Variants in MDGA2 observed in about 807,000 individuals in gnomAD.
MDGA2 encodes MAM domain-containing glycosylphosphatidylinositol anchor protein 2.
Under a neutral mutation model 117.8 loss-of-function variants are expected in MDGA2, and 40 were observed. The ratio of observed to expected loss-of-function variants is 0.34; its 90% CI spans 0.26 to 0.44. The LOEUF (loss-of-function observed/expected upper bound fraction) is 0.44. Ranked by LOEUF, MDGA2 falls within the 20% of genes least tolerant of loss-of-function variation. The pLI is 1.00. For missense variants in MDGA2, 1,123 were observed against 1,250.6 expected (o/e 0.90, Z 1.54); for synonymous variants, 452 against 439.0 (o/e 1.03, Z -0.37).
rs571202245 is a variant in MDGA2 at position 47,623,386 on chromosome 14, C to T, written c.280+51131G>A. ...ACAGGATGTTTCTACTGACAAGAAA[C>T]TATAAAAGCTGAAGTTTCAAGGGAC... On this transcript the variant is annotated intron_variant, in intron 1 of 16. Transcript: ENST00000399232. Among the ~76,000 whole-genome samples, 6 of 152,302 alleles carry T rather than the reference C, an allele frequency of 3.9e-5. No homozygotes were observed. In the South Asian group the frequency reaches 1.2e-3, roughly 32 times the overall value.
Position 46,957,488 on chromosome 14 carries a change from A to G in MDGA2, c.1975T>C (p.Ser659Pro). 6.2e-7 allele frequency: 1 copy of G among 1,614,144 alleles called. No homozygotes were observed. The highest frequency in any genetic ancestry group is 8.5e-7 in the Non-Finnish European group (1 of 1,180,026). The change falls in exon 9 of 17, where the codon TCT becomes CCT. Residue 659 changes from serine (S) to proline (P), a missense_variant. Coordinates refer to ENST00000399232, the MANE Select transcript of MDGA2 (RefSeq NM_001113498.3). ...NKLLRTGQFD[S>P]QEYTEYAVKS... The stretch of plus-strand genomic sequence containing the variant: ...ACAGCGTACTCTGTGTATTCCTGAG[A>G]GTCAAATTGACCCGTCCGTAATAAT...
In MDGA2 at chr14:46,924,571, T is replaced by C. The variant is rs17117729; in HGVS notation, c.2090-4411A>G. 1.7e-3 allele frequency among the ~76,000 whole-genome samples: 260 copies of C among 152,194 alleles called. 2 individuals carry two copies. The highest frequency in any genetic ancestry group is 6.0e-3 in the African/African-American group (251 of 41,550). On this transcript the variant is annotated intron_variant, in intron 9 of 16. Coordinates refer to ENST00000399232, the MANE Select transcript of MDGA2 (RefSeq NM_001113498.3). ...AAATTTAGGGATATCTATCAATTTT[T>C]CACTTTGTAAAACAGACAATACATA... is the stretch of plus-strand genomic sequence containing the variant.
At chr14:47,022,497 G>T (rs1888322055) in intron 8 of MDGA2, among the ~76,000 whole-genome samples, 1 of 152,120 alleles carries the variant, frequency 6.6e-6, no homozygotes, top group Non-Finnish European at 1.5e-5. Context: ...TGTCATGAAG[G>T]AAAGAGTTTA....
intron 1 of MDGA2, among the ~76,000 whole-genome samples, chr14:47,390,008 G>C (rs1891857696): frequency 6.6e-6 from 1 of 152,126 alleles, no homozygotes; most frequent in African/African-American, 2.4e-5. Context: ...GGAAGTAGAG[G>C]ACAGGCCTCT....
At chr14:47,564,274 T>C (rs1895874687) in intron 1 of MDGA2, among the ~76,000 whole-genome samples, 1 of 152,146 alleles carries the variant, frequency 6.6e-6, no homozygotes, top group Non-Finnish European at 1.5e-5. Flanking sequence ...TCTCTGCATT[T>C]TCTGAATTTG....
At chr14:47,459,722 T>C (rs185124797) in intron 1 of MDGA2, among the ~76,000 whole-genome samples, 2 of 152,248 alleles carry the variant, frequency 1.3e-5, no homozygotes, top group African/African-American at 4.8e-5. Flanking sequence ...ATTAACTGCA[T>C]TTTCTTTCAT....
At chr14:47,239,037 T>C (rs1886955426) in intron 2 of MDGA2, among the ~76,000 whole-genome samples, 1 of 151,694 alleles carries the variant, frequency 6.6e-6, no homozygotes, top group Non-Finnish European at 1.5e-5. Context: ...CTGGTGTTTA[T>C]GTAGCTGGGT....
intron 2 of MDGA2, among the ~76,000 whole-genome samples, chr14:47,274,193 C>T (rs1594766648): frequency 6.6e-6 from 1 of 151,972 alleles, no homozygotes; most frequent in African/African-American, 2.4e-5. Flanking sequence ...TAAAAGAAAC[C>T]CTGTAGCCAT....
intron 9 of MDGA2, among the ~76,000 whole-genome samples, chr14:46,955,500 A>G (rs1021125081): frequency 6.6e-5 from 10 of 152,234 alleles, no homozygotes; most frequent in African/African-American, 2.4e-4. Context: ...GGCTCATCAC[A>G]GTTTCCAAAA....
chr14:47,602,810 G>GTT (rs1410539643), intron 1 of MDGA2, among the ~76,000 whole-genome samples: 1 of 152,134 alleles, frequency 6.6e-6, no homozygotes, highest in Non-Finnish European at 1.5e-5. Context: ...TGTGAAATAC[G>GTT]TTGTACTATA....
intron 1 of MDGA2, among the ~76,000 whole-genome samples, chr14:47,645,960 G>C (rs1351994460): frequency 6.6e-6 from 1 of 151,494 alleles, no homozygotes; most frequent in Non-Finnish European, 1.5e-5. Context: ...GGCTCCTGTA[G>C]TCCCATCTAC....
At chr14:46,871,199 T>A (rs1343839419) in intron 14 of MDGA2, 2 of 151,986 alleles carry the variant, frequency 1.3e-5, no homozygotes, top group Non-Finnish European at 2.9e-5. Flanking sequence ...GTCTAGATTC[T>A]GTTTCTGAAT....
chr14:47,049,805 C>T (rs956225793), intron 7 of MDGA2, among the ~76,000 whole-genome samples: 7 of 151,996 alleles, frequency 4.6e-5, no homozygotes, highest in African/African-American at 1.7e-4. Context: ...TTATTGCTGA[C>T]AGAACACCTA....
chr14:47,541,400 T>G (rs755491331), intron 1 of MDGA2, among the ~76,000 whole-genome samples: 6 of 152,184 alleles, frequency 3.9e-5, no homozygotes, highest in Non-Finnish European at 4.4e-5. Flanking sequence ...GGAGGCCACA[T>G]AATTTTCCCA....
chr14:47,201,173 T>G (rs745609272), intron 3 of MDGA2: 1 of 635,238 alleles, frequency 1.6e-6, no homozygotes, highest in Non-Finnish European at 2.9e-6. Context: ...ACCTGCTCCA[T>G]CAACTTCTTG....
At chr14:46,975,037 G>T (rs2138350549) in intron 8 of MDGA2, among the ~76,000 whole-genome samples, 1 of 152,038 alleles carries the variant, frequency 6.6e-6, no homozygotes, top group Non-Finnish European at 1.5e-5. Context: ...AATGGGCAAA[G>T]AACTTGAACA....
intron 1 of MDGA2, among the ~76,000 whole-genome samples, chr14:47,315,279 C>A (rs1247867988): frequency 6.6e-6 from 1 of 152,114 alleles, no homozygotes; most frequent in Non-Finnish European, 1.5e-5. Context: ...AACTTCCAGA[C>A]ATTTTTTATT....
At chr14:46,977,436 ACCCTAACT>A (rs1886507104) in intron 8 of MDGA2, among the ~76,000 whole-genome samples, 2 of 151,934 alleles carry the variant, frequency 1.3e-5, no homozygotes, top group Non-Finnish European at 2.9e-5. Flanking sequence ...AGAATAAGTA[ACCCTAACT>A]ATATTAGTAA....
chr14:47,144,832 T>TTTTTTTTTTTTTC (rs1423387190), intron 3 of MDGA2, among the ~76,000 whole-genome samples: 1 of 148,984 alleles, frequency 6.7e-6, no homozygotes, highest in Admixed American at 6.7e-5. Context: ...TTTTTTTTTG[T>TTTTTTTTTTTTTC]ACAGACAGGG....
Sources: allele counts gnomAD v4.1 joint callset (sites outside exome capture counted in the v4.1 genomes callset), GRCh38; gene constraint gnomAD v4.1.1; transcripts MANE v1.5; gene names NCBI Gene and HGNC (gene_info 2026-07-23, HGNC 2026-07-21).